PLEKHM1: variants seen among roughly 807,000 people sequenced by gnomAD.
PLEKHM1 encodes the protein pleckstrin homology and RUN domain containing M1.
PLEKHM1 carries 28 observed loss-of-function variants against 94.3 expected under a neutral mutation model. The ratio of observed to expected loss-of-function variants is 0.30; its 90% confidence interval spans 0.22 to 0.41. The LOEUF (loss-of-function observed/expected upper bound fraction) is 0.41, where lower values mean the gene tolerates loss of function less well. Ranked by LOEUF, PLEKHM1 falls within the 10% of genes least tolerant of loss-of-function variation. The pLI is 1.00. For missense variants in PLEKHM1, 907 were observed against 1,358.6 expected (o/e 0.67, Z 5.22); for synonymous variants, 424 against 581.2 (o/e 0.73, Z 3.89).
At position 45,463,285 on chromosome 17, in the gene PLEKHM1, G is replaced by A. The variant is rs573913525; in HGVS notation, c.1309-4846C>T. ...CAGGTTCCTCGGAGCTTCTGCACAT[G>A]GGCCTGGACAGAGCTCTGAGGCTGT... On this transcript the variant is annotated intron_variant, in intron 5 of 11. Transcript: ENST00000430334. 2.4e-3 allele frequency among the ~76,000 whole-genome samples: 370 copies of A among 152,200 alleles called. 1 individual carries two copies. Among genetic ancestry groups the A allele is most frequent in the African/African-American group, 8.3e-3 (345 of 41,518 alleles).
At chr17:45,446,431 T>C (rs2050609189) in intron 8 of PLEKHM1, among the ~76,000 whole-genome samples, 1 of 152,314 alleles carries the variant, frequency 6.6e-6, no homozygotes, top group Admixed American at 6.5e-5. Context: ...ACAACCTGCC[T>C]GCAGAACCTG....
intron 1 of PLEKHM1, among the ~76,000 whole-genome samples, chr17:45,489,025 C>G (rs901487107): frequency 1.4e-4 from 21 of 152,148 alleles, no homozygotes; most frequent in Non-Finnish European, 2.6e-4. Flanking sequence ...AAAATGTGTA[C>G]CAAAAAGCCC....
intron 4 of PLEKHM1, among the ~76,000 whole-genome samples, chr17:45,470,133 T>C (rs926589883): frequency 2.0e-5 from 3 of 151,702 alleles, no homozygotes; most frequent in Non-Finnish European, 2.9e-5. Flanking sequence ...GGGGAGGGAA[T>C]AGTCTTTTCA....
rs202204663 is a variant in PLEKHM1, at chr17:45,478,028, G to A, written c.168C>T (p.Ala56=). The part of the protein sequence containing the change: ...DANTMCSALE[A]VFIHGLHAKH... ...TGGCGTGCAGGCCATGGATAAATAC[G>A]GCCTCCAGGGCGCTGCACATGGTGT... The change falls in exon 3 of 12, where the codon GCC becomes GCT. Residue 56 remains alanine (A), a synonymous_variant. Coordinates refer to ENST00000430334, the MANE Select transcript of PLEKHM1 (RefSeq NM_014798.3). The A allele has an allele frequency of 1.3e-5, 21 of 1,613,992 alleles. No individual in the cohort carries two copies. The African/African-American group carries it at 1.7e-4, about 13-fold the overall frequency.
chr17:45,481,400 T>C (rs1300806924), intron 2 of PLEKHM1, among the ~76,000 whole-genome samples: 1 of 151,402 alleles, frequency 6.6e-6, no homozygotes, highest in Non-Finnish European at 1.5e-5. Context: ...AAGTTTTTAA[T>C]CTTGAAATAG....
chr17:45,484,722 C>T (rs2052056582), intron 1 of PLEKHM1, among the ~76,000 whole-genome samples: 1 of 152,192 alleles, frequency 6.6e-6, no homozygotes, highest in Non-Finnish European at 1.5e-5. Flanking sequence ...AGTGCCATCA[C>T]CTCAGAGCTA....
Position 45,453,439 on chromosome 17 carries a change from T to C in PLEKHM1, c.2413A>G (p.Thr805Ala), listed in dbSNP as rs1420262597. Residue 805 changes from threonine to alanine, a missense_variant, in exon 7 of 12, where the codon ACC becomes GCC. Thr to Ala is a moderately conservative substitution (Grantham distance 58). Coordinates refer to ENST00000430334, the MANE Select transcript of PLEKHM1 (RefSeq NM_014798.3). This position sits in a 1 kb window ranked among gnomAD's most constrained non-coding sequence, Gnocchi z 4.1. ...TGCAGCAGGAAGCCATTCTCCCGGG[T>C]GGCAAATTTCAGCACCTCCTGACAG... ...ENCQEVLKFA[T>A]RENGFLLQYL... is the part of the protein sequence containing the mutation. 2.5e-6 allele frequency: 4 copies of C among 1,612,830 alleles called. No individual in the cohort carries two copies. The East Asian group carries it at 6.7e-5, about 27-fold the overall frequency.
intron 4 of PLEKHM1, among the ~76,000 whole-genome samples, chr17:45,471,730 T>C (rs1476858533): frequency 6.6e-6 from 1 of 152,200 alleles, no homozygotes; most frequent in Non-Finnish European, 1.5e-5. Flanking sequence ...CACTCCAGCC[T>C]GGGGGACAGA....
chr17:45,468,368 G>A lies in PLEKHM1; in HGVS notation c.1149C>T (p.Pro383=), dbSNP rs775097146. The change falls in exon 5 of 12, where the codon CCC becomes CCT. Residue 383 remains proline, a synonymous_variant. Coordinates refer to ENST00000430334, the MANE Select transcript of PLEKHM1 (RefSeq NM_014798.3). The stretch of plus-strand genomic sequence containing the variant: ...TCTCTACAGGCTGCTGTAAGTCCAG[G>A]GGGCTGGGCGCCTGGGGACGCGGCT... ...VQEPRPQAPS[P]LDLQQPVEST... 1.2e-6 allele frequency: 2 copies of A among 1,614,028 alleles called. No homozygotes were observed. Among genetic ancestry groups the A allele is most frequent in the African/African-American group, 1.3e-5 (1 of 74,938 alleles).
chr17:45,460,662 T>A (rs555259029), intron 5 of PLEKHM1, among the ~76,000 whole-genome samples: 1 of 152,090 alleles, frequency 6.6e-6, no homozygotes, highest in South Asian at 2.1e-4. Context: ...GCTCAAGCAA[T>A]CCTCCTGCTT....
At position 45,445,426 on chromosome 17, in the gene PLEKHM1, CGT is replaced by C; in HGVS notation, c.2837+42_2837+43del. 6.5e-7 allele frequency: 1 copy of C among 1,550,368 alleles called. No homozygotes were observed. Among genetic ancestry groups the C allele is most frequent in the Non-Finnish European group, 8.9e-7 (1 of 1,122,488 alleles). On this transcript the variant is annotated intron_variant, in intron 9 of 11. Transcript: ENST00000430334. The surrounding 1 kb of genome is among the most constrained non-coding windows in gnomAD (Gnocchi z 4.2). ...GTATGTGTTTGTGTGCATGCATGTG[CGT>C]GTGTACGTGCACTCACACGCATACA...
In PLEKHM1 at chr17:45,447,467, G is replaced by A. The variant is rs990908904; in HGVS notation, c.2644-1804C>T. On this transcript the variant is annotated intron_variant, in intron 8 of 11. Coordinates refer to ENST00000430334, the MANE Select transcript of PLEKHM1 (RefSeq NM_014798.3). ...AGTGAAATAACACACAGGAATGTGCGCTGAACACTGCCAAACACTGCAGAT... is the reference window on the plus strand; with the variant it reads ...AGTGAAATAACACACAGGAATGTGCACTGAACACTGCCAAACACTGCAGAT... 3.3e-5 allele frequency among the ~76,000 whole-genome samples: 5 copies of A among 152,254 alleles called. No individual in the cohort carries two copies. The South Asian group carries it at 8.3e-4, about 25-fold the overall frequency.
At chr17:45,470,700 C>A (rs1212662558) in intron 4 of PLEKHM1, among the ~76,000 whole-genome samples, 2 of 151,008 alleles carry the variant, frequency 1.3e-5, no homozygotes, top group African/African-American at 4.8e-5. Context: ...ACTCTGTCGC[C>A]CAGGCTGGAG....
At chr17:45,454,527 G>A (rs1341492691) in intron 6 of PLEKHM1, 8 of 605,306 alleles carry the variant, frequency 1.3e-5, no homozygotes, top group South Asian at 5.8e-5. Context: ...CCCTCCACAC[G>A]CCCTGTTCCC....
rs1466071449 is a variant in PLEKHM1, at chr17:45,445,828, A to C, written c.2644-165T>G. On this transcript the variant is annotated intron_variant, in intron 8 of 11. Transcript: ENST00000430334. The surrounding 1 kb of genome is among the most constrained non-coding windows in gnomAD (Gnocchi z 4.2). ...TGAAGAGATTTGGCTAGGGTCACCC[A>C]GCTTGTAAATGGTACAGTCAAGCTC... 1.3e-5 allele frequency among the ~76,000 whole-genome samples: 2 copies of C among 152,212 alleles called. No homozygotes were observed. The highest frequency in any genetic ancestry group is 4.8e-5 in the African/African-American group (2 of 41,432).
At chr17:45,435,488 G>T (rs1365387667), downstream of PLEKHM1, among the ~76,000 whole-genome samples, 3 of 152,146 alleles carry the variant, frequency 2.0e-5, no homozygotes, top group Non-Finnish European at 4.4e-5. Flanking sequence ...TCTTTCCTGA[G>T]CCCCATCTCT....
intron 8 of PLEKHM1, among the ~76,000 whole-genome samples, chr17:45,447,629 C>A (rs891320307): frequency 2.0e-5 from 3 of 151,970 alleles, no homozygotes; most frequent in Non-Finnish European, 4.4e-5. Flanking sequence ...CAGGCCTCAG[C>A]ACCAGTGGGT....
chr17:45,446,025 C>G (rs1448607074), intron 8 of PLEKHM1: 2 of 397,468 alleles, frequency 5.0e-6, no homozygotes, highest in African/African-American at 2.0e-5. Flanking sequence ...TATTTCCCCC[C>G]ACTGAAGGAA....
chr17:45,483,453 G>C (rs1348987048), intron 1 of PLEKHM1, among the ~76,000 whole-genome samples: 1 of 139,932 alleles, frequency 7.1e-6, no homozygotes, highest in South Asian at 2.3e-4. Flanking sequence ...TGGGGCGGGT[G>C]GGGTGGGGAC....
Sources: gnomAD v4.1 joint callset for allele counts (sites outside exome capture counted in the v4.1 genomes callset) on GRCh38, gnomAD v4.1.1 for gene constraint, Gnocchi (gnomAD v3.1) non-coding constraint, MANE v1.5 for transcripts, NCBI Gene and HGNC (gene_info 2026-07-23, HGNC 2026-07-21) for gene names.